Variants in STYXL1 observed in about 807,000 individuals in gnomAD.
STYXL1 encodes serine/threonine/tyrosine-interacting-like protein 1.
In STYXL1, 32 loss-of-function variants were observed where a neutral mutation model predicts 36.4. The ratio of observed to expected loss-of-function variants is 0.88; its 90% CI spans 0.66 to 1.18. STYXL1 has a LOEUF of 1.18. Among genes scored for constraint, STYXL1 ranks in the 50% most tolerant of loss-of-function variants. STYXL1 has a pLI of 0.00. For missense variants in STYXL1, 354 were observed against 394.1 expected (o/e 0.90, Z 0.86); for synonymous variants, 133 against 144.1 (o/e 0.92, Z 0.55).
intron 1 of STYXL1, among the ~76,000 whole-genome samples, chr7:76,031,450 C>T (rs1371507976): frequency 2.6e-5 from 4 of 151,400 alleles, no homozygotes; most frequent in African/African-American, 9.7e-5. Context: ...CGCAGTAGCT[C>T]ACGCCTGTAA....
chr7:76,015,680 A>G (rs1585234119), intron 4 of STYXL1, among the ~76,000 whole-genome samples: 1 of 152,188 alleles, frequency 6.6e-6, no homozygotes, highest in Non-Finnish European at 1.5e-5. Flanking sequence ...AAAACCAAAC[A>G]ACCTCTGATG....
intron 3 of STYXL1, among the ~76,000 whole-genome samples, chr7:76,028,365 T>C (rs1295308307): frequency 6.6e-6 from 1 of 152,054 alleles, no homozygotes; most frequent in Non-Finnish European, 1.5e-5. Flanking sequence ...CAGTGAGCTA[T>C]GATTGTGCCA....
At chr7:76,030,850 TAAAA>T (rs1160725857) in intron 1 of STYXL1, among the ~76,000 whole-genome samples, 1 of 57,082 alleles carries the variant, frequency 1.8e-5, no homozygotes, top group African/African-American at 7.6e-5. Context: ...CCATCTCTAC[TAAAA>T]AAAAAAAAAA....
intron 8 of STYXL1, 69 bp downstream of exon 8, chr7:76,000,821 C>T: frequency 7.1e-7 from 1 of 1,417,528 alleles, no homozygotes; most frequent in Non-Finnish European, 1.0e-6. Flanking sequence ...CCCACTCCTC[C>T]CAGGTTGCGC....
At position 76,003,827 on chromosome 7, in the gene STYXL1, G is replaced by A; in HGVS notation, c.628C>T (p.His210Tyr). ...FFAGDADKLLHIRIEDSPEAQ... is the reference protein window; with the variant it reads ...FFAGDADKLLYIRIEDSPEAQ... ...TCCGGGGAATCTTCTATCCGGATGTGCAGAAGCTTGTCAGCATCGCCTGCA... is the reference window on the plus strand; with the variant it reads ...TCCGGGGAATCTTCTATCCGGATGTACAGAAGCTTGTCAGCATCGCCTGCA... Residue 210 changes from histidine to tyrosine, a missense_variant, in exon 7 of 9, where the codon CAC (histidine) becomes TAC (tyrosine). By Grantham distance (83) the His-to-Tyr change is moderately conservative. Transcript: ENST00000359697. The A allele has an allele frequency of 6.2e-7, 1 of 1,614,196 alleles. No homozygotes were observed. Among genetic ancestry groups the A allele is most frequent in the Admixed American group, 1.7e-5 (1 of 60,016 alleles).
At chr7:76,022,946 A>G (rs1361852133) in intron 3 of STYXL1, among the ~76,000 whole-genome samples, 1 of 152,118 alleles carries the variant, frequency 6.6e-6, no homozygotes, top group Admixed American at 6.6e-5. Context: ...AAAATAAAAC[A>G]AAAACAAAAC....
chr7:76,024,502 A>G (rs1554577162), intron 3 of STYXL1, among the ~76,000 whole-genome samples: 1 of 152,106 alleles, frequency 6.6e-6, no homozygotes, highest in African/African-American at 2.4e-5. Context: ...CTATGGTCCC[A>G]GCTACTGGGA....
intron 1 of STYXL1, among the ~76,000 whole-genome samples, chr7:76,034,263 C>T (rs964475458): frequency 2.2e-5 from 3 of 139,068 alleles, no homozygotes; most frequent in East Asian, 3.9e-4. Flanking sequence ...CCACCATGGC[C>T]GGCTAATTTT....
Position 76,037,080 on chromosome 7 carries a change from G to A in STYXL1, c.-4-6553C>T, listed in dbSNP as rs570261925. Among the ~76,000 whole-genome samples the A allele has an allele frequency of 3.4e-3, 511 of 149,884 alleles. 28 individuals carry two copies. Among genetic ancestry groups the A allele is most frequent in the Non-Finnish European group, 6.4e-3 (428 of 66,982 alleles). ...ATTACAGGCGTGAGCCACCGCACCCGGCCAGCTCTTCTTAAGAGACCCTTG... is the reference window on the plus strand; with the variant it reads ...ATTACAGGCGTGAGCCACCGCACCCAGCCAGCTCTTCTTAAGAGACCCTTG... On this transcript the variant is annotated intron_variant, in intron 1 of 8. Transcript: ENST00000359697.
At chr7:76,015,063 A>G (rs151177948) in intron 4 of STYXL1, among the ~76,000 whole-genome samples, 22 of 152,270 alleles carry the variant, frequency 1.4e-4, no homozygotes, top group African/African-American at 4.8e-4. Context: ...CCTAGGCAAC[A>G]TGGAAAGACC....
At chr7:76,005,818 G>T (rs1045143714) in intron 5 of STYXL1, among the ~76,000 whole-genome samples, 1 of 143,728 alleles carries the variant, frequency 7.0e-6, no homozygotes, top group Non-Finnish European at 1.5e-5. Context: ...AGAGAAGGAG[G>T]AGGAGGAGGA....
intron 5 of STYXL1, among the ~76,000 whole-genome samples, chr7:76,013,229 G>A (rs1792798961): frequency 6.6e-6 from 1 of 151,800 alleles, no homozygotes; most frequent in African/African-American, 2.4e-5. Flanking sequence ...GGGAGGCCGA[G>A]GCAGGAGAAT....
Position 76,013,419 on chromosome 7 carries a change from GTTTGTT to G in STYXL1, c.453+317_453+322del, listed in dbSNP as rs367788133. Among the ~76,000 whole-genome samples the G allele has an allele frequency of 7.2e-3, 1,059 of 147,286 alleles. 12 individuals are homozygous for G. Among genetic ancestry groups the G allele is most frequent in the African/African-American group, 0.024 (951 of 40,044 alleles). On this transcript the variant is annotated intron_variant, in intron 5 of 8. Transcript: ENST00000359697. ...GGAGTCCAGATCTAGTTTTTTTTTT[GTTTGTT>G]TTTGTTTTTGTTTTTGTTTGAGACA...
chr7:76,021,825 T>G, intron 4 of STYXL1, 26 bp downstream of exon 4: 1 of 1,553,552 alleles, frequency 6.4e-7, no homozygotes, highest in South Asian at 1.1e-5. Context: ...TAACTATTAT[T>G]CTTGCTGCTG....
Position 76,013,732 on chromosome 7 carries a change from T to C in STYXL1, c.453+10A>G. The C allele has an allele frequency of 6.2e-7, 1 of 1,613,828 alleles. No individual in the cohort carries two copies. The highest frequency in any genetic ancestry group is 2.2e-5 in the East Asian group (1 of 44,848). On this transcript the variant is annotated intron_variant, in intron 5 of 8. Coordinates refer to ENST00000359697, the MANE Select transcript of STYXL1 (RefSeq NM_001317785.2). ...GTCTGGGCCTGCCTGTGCTCAGCAT[T>C]TGGCCCTACCTGAGGCATCCAGATG...
At chr7:76,021,727 A>T in intron 4 of STYXL1, 124 bp downstream of exon 4, 1 of 736,690 alleles carries the variant, frequency 1.4e-6, no homozygotes, top group Non-Finnish European at 2.3e-6. Flanking sequence ...TTCTGACGCA[A>T]ACCCTGCTGT....
At chr7:76,043,072 C>T (rs1563529901) in intron 1 of STYXL1, among the ~76,000 whole-genome samples, 2 of 152,154 alleles carry the variant, frequency 1.3e-5, no homozygotes, top group South Asian at 2.1e-4. Context: ...AAGTGTTTCC[C>T]GTTGATCAGA....
intron 2 of STYXL1, among the ~76,000 whole-genome samples, chr7:76,029,878 G>A (rs1795132946): frequency 6.6e-6 from 1 of 152,192 alleles, no homozygotes; most frequent in Non-Finnish European, 1.5e-5. Flanking sequence ...GGGAGTGGCT[G>A]TAAATACAGA....
At chr7:76,017,866 C>CAAAAAAAAAAAAA (rs71082374) in intron 4 of STYXL1, among the ~76,000 whole-genome samples, 135 of 10,314 alleles carry the variant, frequency 0.013, 35 homozygotes, top group Non-Finnish European at 0.022. Context: ...AACTCCATCT[C>CAAAAAAAAAAAAA]AAAAAAAAAA....
Sources: allele counts gnomAD v4.1 joint callset (sites outside exome capture counted in the v4.1 genomes callset), GRCh38; gene constraint gnomAD v4.1.1; transcripts MANE v1.5; gene names NCBI Gene and HGNC (gene_info 2026-07-23, HGNC 2026-07-21).